Variants in DLG2 observed in about 807,000 individuals in gnomAD.
DLG2 encodes the protein disks large homolog 2.
A neutral mutation model predicts 132.5 loss-of-function variants in DLG2; 45 were observed. That is an observed-to-expected ratio of 0.34 (90% CI 0.27 to 0.44). DLG2 has a LOEUF of 0.44. Ranked by LOEUF, DLG2 falls within the 20% of genes least tolerant of loss-of-function variation. The pLI is 1.00. For missense variants in DLG2, 1,045 were observed against 1,196.9 expected (o/e 0.87, Z 1.87); for synonymous variants, 424 against 419.6 (o/e 1.01, Z -0.13).
intron 3 of DLG2, among the ~76,000 whole-genome samples, chr11:85,426,800 A>G (rs1196057556): frequency 6.6e-6 from 1 of 152,226 alleles, no homozygotes; most frequent in African/African-American, 2.4e-5. Context: ...GAGTTGAGAG[A>G]AGAAGGCTTC....
intron 6 of DLG2, among the ~76,000 whole-genome samples, chr11:84,608,988 C>T (rs975907936): frequency 3.9e-5 from 6 of 152,144 alleles, no homozygotes; most frequent in African/African-American, 1.4e-4. Flanking sequence ...AGTGGCAGAA[C>T]CTGAATTGAA....
chr11:84,014,693 C>T (rs144623237), intron 11 of DLG2, among the ~76,000 whole-genome samples: 14 of 152,256 alleles, frequency 9.2e-5, no homozygotes, highest in African/African-American at 3.1e-4. Flanking sequence ...GTTCCCACAG[C>T]TAATAAATCA....
chr11:84,083,353 T>C (rs1282956702), intron 10 of DLG2, among the ~76,000 whole-genome samples: 1 of 152,116 alleles, frequency 6.6e-6, no homozygotes, highest in African/African-American at 2.4e-5. Flanking sequence ...AAAGGAAAGA[T>C]TGCTCTATTA....
chr11:84,398,299 A>G (rs1043174796), intron 7 of DLG2, among the ~76,000 whole-genome samples: 2 of 152,224 alleles, frequency 1.3e-5, no homozygotes, highest in African/African-American at 4.8e-5. Flanking sequence ...GAGGTAGTGC[A>G]AGAACAAGGA....
intron 12 of DLG2, among the ~76,000 whole-genome samples, chr11:83,978,840 C>T (rs1326868136): frequency 6.6e-6 from 1 of 152,034 alleles, no homozygotes; most frequent in Non-Finnish European, 1.5e-5. Context: ...AACTGACTGA[C>T]AAATTCAAGG....
intron 8 of DLG2, among the ~76,000 whole-genome samples, chr11:84,239,688 T>C (rs1343618657): frequency 2.6e-5 from 4 of 152,234 alleles, no homozygotes; most frequent in Non-Finnish European, 5.9e-5. Context: ...GAAAATTTTT[T>C]AGTGTTCCTA....
At chr11:85,224,441 T>C (rs1365664384) in intron 4 of DLG2, among the ~76,000 whole-genome samples, 1 of 152,196 alleles carries the variant, frequency 6.6e-6, no homozygotes, top group Non-Finnish European at 1.5e-5. Flanking sequence ...CATTGAGGTG[T>C]AGGGGACTGA....
At chr11:85,058,641 T>G (rs1447896291) in intron 6 of DLG2, among the ~76,000 whole-genome samples, 2 of 151,544 alleles carry the variant, frequency 1.3e-5, no homozygotes, top group African/African-American at 4.8e-5. Context: ...TAAAACCTTA[T>G]GTACAGTAAT....
chr11:85,183,037 A>C (rs1235419092), intron 4 of DLG2, among the ~76,000 whole-genome samples: 1 of 151,696 alleles, frequency 6.6e-6, no homozygotes, highest in Non-Finnish European at 1.5e-5. Context: ...CAGCCTTCCT[A>C]AGACACTTGT....
chr11:84,255,475 C>A (rs1046732263), intron 7 of DLG2, among the ~76,000 whole-genome samples: 4 of 152,140 alleles, frequency 2.6e-5, no homozygotes, highest in Non-Finnish European at 5.9e-5. Context: ...AGGCACCTGC[C>A]ACCACGCCTG....
At chr11:83,971,124 C>G (rs368997439) in intron 12 of DLG2, among the ~76,000 whole-genome samples, 1 of 151,790 alleles carries the variant, frequency 6.6e-6, no homozygotes, top group Non-Finnish European at 1.5e-5. Context: ...CTTTTTTATT[C>G]TTTTTTTTCT....
intron 3 of DLG2, among the ~76,000 whole-genome samples, chr11:85,348,616 A>G (rs1051544006): frequency 6.6e-6 from 1 of 152,042 alleles, no homozygotes; most frequent in African/African-American, 2.4e-5. Context: ...TGAAGTTATT[A>G]TCTCTTTCCC....
intron 6 of DLG2, among the ~76,000 whole-genome samples, chr11:84,596,190 GTCTCTCTCTCTCTCTC>G (rs59824224): frequency 6.9e-6 from 1 of 144,734 alleles, no homozygotes; most frequent in Non-Finnish European, 1.5e-5. Context: ...TCTTTTCTCT[GTCTCTCTCTCTCTCTC>G]TCTCTCTCTC....
chr11:84,119,956 A>T (rs924147111), intron 9 of DLG2, among the ~76,000 whole-genome samples: 12 of 152,300 alleles, frequency 7.9e-5, no homozygotes, highest in African/African-American at 2.9e-4. Flanking sequence ...TGTGTGGAAG[A>T]TGTAGGCAGC....
At chr11:83,872,101 T>C (rs536187590) in intron 16 of DLG2, among the ~76,000 whole-genome samples, 1 of 152,208 alleles carries the variant, frequency 6.6e-6, no homozygotes, top group African/African-American at 2.4e-5. Flanking sequence ...CCGTCTCTAC[T>C]AAAAATACAA....
intron 8 of DLG2, among the ~76,000 whole-genome samples, chr11:84,203,733 A>G (rs2096628568): frequency 6.6e-6 from 1 of 152,112 alleles, no homozygotes. Context: ...TGATGAGAAC[A>G]CATGAACACA....
intron 8 of DLG2, among the ~76,000 whole-genome samples, chr11:84,246,603 T>C (rs763357276): frequency 6.6e-6 from 1 of 152,224 alleles, no homozygotes; most frequent in Non-Finnish European, 1.5e-5. Context: ...ATAGTAAAAA[T>C]GAATCTTTCA....
intron 19 of DLG2, among the ~76,000 whole-genome samples, chr11:83,554,658 G>A (rs550462396): frequency 2.0e-5 from 3 of 152,224 alleles, no homozygotes; most frequent in Admixed American, 2.0e-4. Flanking sequence ...CCAGATCTGG[G>A]ACTAGTGGTT....
intron 6 of DLG2, among the ~76,000 whole-genome samples, chr11:84,996,859 G>T (rs533187752): frequency 6.6e-6 from 1 of 152,138 alleles, no homozygotes; most frequent in African/African-American, 2.4e-5. Flanking sequence ...ACATCAGAGC[G>T]TCTTGCAGCT....
Sources: allele counts gnomAD v4.1 joint callset (sites outside exome capture counted in the v4.1 genomes callset), GRCh38; gene constraint gnomAD v4.1.1; transcripts MANE v1.5; gene names NCBI Gene and HGNC (gene_info 2026-07-23, HGNC 2026-07-21).